The following DOP1B variants were observed in gnomAD, a reference collection of about 807,000 sequenced individuals.
The protein encoded by DOP1B is protein DOP1B.
In DOP1B, 174 loss-of-function variants were observed where a neutral mutation model predicts 233.5. The ratio of observed to expected loss-of-function variants is 0.75; its 90% CI spans 0.66 to 0.85. The LOEUF (loss-of-function observed/expected upper bound fraction) is 0.85. DOP1B is among the 40% of genes least tolerant of loss of function. The pLI is 0.00. For synonymous variants in DOP1B, 1,190 were observed against 1,185.6 expected (o/e 1.00, Z -0.08); for missense variants, 2,652 against 2,846.6 (o/e 0.93, Z 1.56).
chr21:36,167,765 A>G (rs1437515070), intron 2 of DOP1B, among the ~76,000 whole-genome samples: 4 of 128,954 alleles, frequency 3.1e-5, no homozygotes, highest in Non-Finnish European at 6.3e-5. Context: ...CGGACTTTCC[A>G]TGGAAATGGA....
chr21:36,166,667 G>A (rs1263122126), intron 2 of DOP1B, among the ~76,000 whole-genome samples: 1 of 152,144 alleles, frequency 6.6e-6, no homozygotes, highest in African/African-American at 2.4e-5. Context: ...TGTTCAGACA[G>A]GACCTGAGTT....
intron 32 of DOP1B, among the ~76,000 whole-genome samples, chr21:36,285,288 G>A (rs182716037): frequency 2.8e-4 from 43 of 152,146 alleles, no homozygotes; most frequent in African/African-American, 9.9e-4. Flanking sequence ...TCGAACTCCT[G>A]ACCTCAAGTG....
At chr21:36,217,415 A>C (rs957741816) in intron 9 of DOP1B, among the ~76,000 whole-genome samples, 1 of 152,176 alleles carries the variant, frequency 6.6e-6, no homozygotes, top group South Asian at 2.1e-4. Context: ...AGGTTCTCCC[A>C]CTATGCCTGT....
chr21:36,206,730 T>C (rs1468047059), intron 4 of DOP1B, among the ~76,000 whole-genome samples: 1 of 152,142 alleles, frequency 6.6e-6, no homozygotes, highest in Non-Finnish European at 1.5e-5. Context: ...GACACCACGA[T>C]GTGTGCATTA....
Position 36,214,089 on chromosome 21 carries a change from A to C in DOP1B, c.913A>C (p.Ile305Leu). 2.5e-6 allele frequency: 4 copies of C among 1,613,276 alleles called. No homozygotes were observed. In the South Asian group the frequency reaches 3.3e-5, roughly 13 times the overall value. The change falls in exon 8 of 37, where the codon ATA becomes CTA. Residue 305 changes from isoleucine to leucine, a missense_variant. Coordinates refer to ENST00000691173, the MANE Select transcript of DOP1B (RefSeq NM_001320714.2). ...RLYAWLLGSDIKGNTVVPESE... is the reference protein window; with the variant it reads ...RLYAWLLGSDLKGNTVVPESE... The stretch of plus-strand genomic sequence containing the variant: ...CGCTTGTTCTTTTGTAGGCTCAGAC[A>C]TAAAAGGAAATACCGTTGTGCCAGA...
Position 36,260,622 on chromosome 21 carries a change from C to A in DOP1B, c.5260-55C>A, listed in dbSNP as rs1489518106. On this transcript the variant is annotated intron_variant, in intron 23 of 36. Coordinates refer to ENST00000691173, the MANE Select transcript of DOP1B (RefSeq NM_001320714.2). ...ATCTGTTTCATTTTGTATCTGAATT[C>A]TTTTAGCCTTATTTCCCACCAACTC... 7 of 1,608,746 alleles carry A rather than the reference C, an allele frequency of 4.4e-6. No homozygotes were observed. The African/African-American group carries it at 6.7e-5, about 15-fold the overall frequency.
rs760142446 is a variant in DOP1B at position 36,237,347 on chromosome 21, A to G, written c.2708A>G (p.His903Arg). 1 of 1,614,182 alleles carries G rather than the reference A, an allele frequency of 6.2e-7. No homozygotes were observed. The highest frequency in any genetic ancestry group is 1.7e-5 in the Admixed American group (1 of 60,022). Residue 903 changes from histidine to arginine, a missense_variant, in exon 16 of 37, where the codon CAC becomes CGC. His to Arg is a conservative substitution (Grantham distance 29, BLOSUM62 0). Around this residue, in one of 3 missense-constraint regions of DOP1B, gnomAD observed 2,617 missense variants for 2,794.3 expected, o/e 0.94. Coordinates refer to ENST00000691173, the MANE Select transcript of DOP1B (RefSeq NM_001320714.2). The stretch of plus-strand genomic sequence containing the variant: ...TGCGTAGAATTGTTCTACCGGCTGC[A>G]CTGCCTGGCCCCTACGGCCAACATC... ...VTCVELFYRL[H>R]CLAPTANICE... is the part of the protein sequence containing the mutation.
chr21:36,169,661 C>T (rs958849876), intron 2 of DOP1B: 14 of 904,544 alleles, frequency 1.5e-5, no homozygotes, highest in African/African-American at 1.5e-4. Context: ...CTTCTTCTGG[C>T]GCAGAGGAAG....
At chr21:36,167,929 CTTTTCTTTTTCTTTTTT>C (rs1286117809) in intron 2 of DOP1B, among the ~76,000 whole-genome samples, 3 of 97,310 alleles carry the variant, frequency 3.1e-5, no homozygotes, top group Non-Finnish European at 4.1e-5. Context: ...CTTTTCTTTT[CTTTTCTTTTTCTTTTTT>C]TTTTTTTTTT....
At chr21:36,213,505 C>A (rs2066524150) in intron 7 of DOP1B, among the ~76,000 whole-genome samples, 1 of 151,810 alleles carries the variant, frequency 6.6e-6, no homozygotes. Context: ...AAAAAGTGAT[C>A]CTCAGCCAGG....
At chr21:36,181,936 T>C (rs2066103087) in intron 2 of DOP1B, among the ~76,000 whole-genome samples, 1 of 152,376 alleles carries the variant, frequency 6.6e-6, no homozygotes, top group African/African-American at 2.4e-5. Context: ...TTACTAACTT[T>C]AATAACTACT....
At position 36,263,800 on chromosome 21, in the gene DOP1B, C is replaced by G; in HGVS notation, c.5473C>G (p.Gln1825Glu). ...RTPNLENKKD[Q>E]KDLQEITQKI... ...TCCCAACCTGGAAAACAAGAAGGAC[C>G]AAAAAGACCTGCAGGTTTGTATATG... The change falls in exon 26 of 37, where the codon CAA (glutamine) becomes GAA (glutamate). Residue 1825 changes from glutamine to glutamate, a missense_variant. By Grantham distance (29) the Gln-to-Glu change is conservative. This residue lies in a region of DOP1B where 2,617 missense variants were observed against 2,794.3 expected (regional missense o/e 0.94). Coordinates refer to ENST00000691173, the MANE Select transcript of DOP1B (RefSeq NM_001320714.2). The G allele has an allele frequency of 6.2e-7, 1 of 1,614,128 alleles. No individual in the cohort carries two copies. Among genetic ancestry groups the G allele is most frequent in the Middle Eastern group, 1.6e-4 (1 of 6,062 alleles).
rs754260693 is a variant in DOP1B at position 36,200,428 on chromosome 21, C to T, written c.418C>T (p.Leu140Phe). ...GTACTTCCTCCCACTGCAGAAGCTG[C>T]TCCTGCCCAGTCTGCAGGCCTTCAT... The part of the protein sequence containing the change: ...EKYFLPLQKL[L>F]LPSLQAFIVG... The change falls in exon 4 of 37, where the codon CTC (leucine) becomes TTC (phenylalanine). Residue 140 changes from leucine to phenylalanine, a missense_variant. Coordinates refer to ENST00000691173, the MANE Select transcript of DOP1B (RefSeq NM_001320714.2). 4.0e-5 allele frequency: 65 copies of T among 1,613,452 alleles called. No homozygotes were observed. Among genetic ancestry groups the T allele is most frequent in the Non-Finnish European group, 5.3e-5 (63 of 1,180,046 alleles).
intron 2 of DOP1B, among the ~76,000 whole-genome samples, chr21:36,183,687 G>C (rs548947909): frequency 6.6e-6 from 1 of 152,304 alleles, no homozygotes; most frequent in East Asian, 1.9e-4. Context: ...GGAGGGGGTC[G>C]TGTGCTTCCA....
At chr21:36,281,314 G>T (rs1337224401) in intron 31 of DOP1B, among the ~76,000 whole-genome samples, 169 bp from the exon 32 acceptor site, 1 of 152,112 alleles carries the variant, frequency 6.6e-6, no homozygotes, top group Non-Finnish European at 1.5e-5. Flanking sequence ...AATAAAAAGA[G>T]AAATAACTAT....
At chr21:36,211,359 A>C (rs117697278) in intron 5 of DOP1B, among the ~76,000 whole-genome samples, 194 bp from the exon 6 acceptor site, 5,588 of 152,288 alleles carry the variant, frequency 0.037, 133 homozygotes, top group Non-Finnish European at 0.051. Flanking sequence ...TGAGGTCTGC[A>C]GCTGAACGTC....
rs1172730528 is a variant in DOP1B at position 36,201,345 on chromosome 21, C to CTTTTT, written c.491+860_491+864dup. ...TCTATTCCACTGTATCTATTGGATT[C>CTTTTT]TTTTTTTTTTTTTTTTTTTTGAGAC... On this transcript the variant is annotated intron_variant, in intron 4 of 36. Transcript: ENST00000691173. Among the ~76,000 whole-genome samples the CTTTTT allele has an allele frequency of 1.9e-3, 161 of 83,232 alleles. 19 individuals carry two copies. The highest frequency in any genetic ancestry group is 2.9e-3 in the Admixed American group (18 of 6,208). 54.6% of individuals were successfully genotyped at this position (83,232 alleles called of 152,430 possible).
intron 4 of DOP1B, among the ~76,000 whole-genome samples, chr21:36,206,914 A>T (rs893286912): frequency 1.3e-5 from 2 of 152,190 alleles, no homozygotes; most frequent in South Asian, 4.1e-4. Flanking sequence ...AGACGGTACC[A>T]TGCATTATTT....
chr21:36,198,979 G>A (rs951263197), intron 2 of DOP1B, 91 bp from the exon 3 acceptor site: 2 of 1,364,964 alleles, frequency 1.5e-6, no homozygotes, highest in African/African-American at 1.5e-5. Context: ...ACTGGGACAT[G>A]GCTGCAGTCT....
Sources: allele counts gnomAD v4.1 joint callset (sites outside exome capture counted in the v4.1 genomes callset), GRCh38; gene constraint gnomAD v4.1.1; regional missense constraint gnomAD v4.1.1; transcripts MANE v1.5; gene names NCBI Gene and HGNC (gene_info 2026-07-23, HGNC 2026-07-21).